Variants in IGSF11 observed in about 807,000 individuals in gnomAD.
IGSF11 encodes the protein CXADR like 1.
IGSF11 carries 22 observed loss-of-function variants against 41.0 expected under a neutral mutation model. That is an observed-to-expected ratio of 0.54 (90% CI 0.38 to 0.77). The LOEUF (loss-of-function observed/expected upper bound fraction) is 0.77. Ranked by LOEUF, IGSF11 falls within the 30% of genes least tolerant of loss-of-function variation. IGSF11 has a pLI of 0.00. For missense variants in IGSF11, 444 were observed against 530.8 expected, an observed-to-expected ratio of 0.84 and a Z score of 1.61; for synonymous variants, 219 against 201.3, an observed-to-expected ratio of 1.09 and a Z score of -0.74.
At chr3:119,067,228 C>T (rs2107461403) in intron 1 of IGSF11, among the ~76,000 whole-genome samples, 1 of 152,250 alleles carries the variant, frequency 6.6e-6, no homozygotes, top group South Asian at 2.1e-4. Flanking sequence ...GGCTGATTAC[C>T]TCAATCCAAT....
intron 1 of IGSF11, among the ~76,000 whole-genome samples, chr3:119,045,557 A>C (rs559561921): frequency 6.6e-6 from 1 of 152,078 alleles, no homozygotes; most frequent in Non-Finnish European, 1.5e-5. Flanking sequence ...GGCGGCAGTG[A>C]GGCTGGGGGA....
chr3:118,991,919 C>A (rs1935825073), intron 1 of IGSF11, among the ~76,000 whole-genome samples: 1 of 152,208 alleles, frequency 6.6e-6, no homozygotes, highest in East Asian at 1.9e-4. Context: ...TCCATTCAGT[C>A]TCCAAGATCC....
chr3:119,094,161 A>C (rs1000725114), intron 1 of IGSF11, among the ~76,000 whole-genome samples: 1 of 140,114 alleles, frequency 7.1e-6, no homozygotes, highest in Non-Finnish European at 1.5e-5. Flanking sequence ...AGGAGTGGAA[A>C]TATACCTTTT....
intron 1 of IGSF11, among the ~76,000 whole-genome samples, chr3:119,001,083 T>G (rs1480932949): frequency 6.6e-6 from 1 of 152,110 alleles, no homozygotes; most frequent in Non-Finnish European, 1.5e-5. Flanking sequence ...ACTGGCTGTC[T>G]CTCTGTCTGA....
intron 1 of IGSF11, among the ~76,000 whole-genome samples, chr3:119,131,900 C>T (rs2077487673): frequency 1.3e-5 from 2 of 152,200 alleles, no homozygotes. Context: ...CAATATTCAA[C>T]ACTCTTGAAG....
intron 1 of IGSF11, among the ~76,000 whole-genome samples, chr3:118,981,427 T>A (rs978573256): frequency 6.6e-6 from 1 of 152,180 alleles, no homozygotes; most frequent in Non-Finnish European, 1.5e-5. Context: ...CCTCCCAAAG[T>A]TCTGGGATTA....
chr3:119,110,704 G>A (rs1303600996), intron 1 of IGSF11, among the ~76,000 whole-genome samples: 1 of 152,098 alleles, frequency 6.6e-6, no homozygotes, highest in East Asian at 1.9e-4. Context: ...TTTACATTTT[G>A]GCATGATTTT....
intron 1 of IGSF11, among the ~76,000 whole-genome samples, chr3:118,954,768 T>A (rs1035488333): frequency 6.6e-6 from 1 of 152,168 alleles, no homozygotes; most frequent in African/African-American, 2.4e-5. Context: ...GAAGACTTGA[T>A]AGTTGAAGTT....
At chr3:119,126,794 T>C (rs1353463212) in intron 1 of IGSF11, among the ~76,000 whole-genome samples, 1 of 151,474 alleles carries the variant, frequency 6.6e-6, no homozygotes, top group Non-Finnish European at 1.5e-5. Flanking sequence ...ACCTGACTAT[T>C]GAAAGAAAAA....
chr3:119,058,703 A>G (rs1941946275), intron 1 of IGSF11, among the ~76,000 whole-genome samples: 1 of 152,238 alleles, frequency 6.6e-6, no homozygotes, highest in Admixed American at 6.5e-5. Context: ...TATTCACAAT[A>G]GCAAAGACTT....
At chr3:118,912,224 A>G (rs184880279) in intron 4 of IGSF11, among the ~76,000 whole-genome samples, 1 of 152,316 alleles carries the variant, frequency 6.6e-6, no homozygotes, top group East Asian at 1.9e-4. Flanking sequence ...TTTAAGTCAG[A>G]AGGGAGGTGT....
At chr3:118,964,886 A>G (rs889278153) in intron 1 of IGSF11, among the ~76,000 whole-genome samples, 1 of 152,214 alleles carries the variant, frequency 6.6e-6, no homozygotes, top group Non-Finnish European at 1.5e-5. Context: ...GATATGGTTC[A>G]GACTGGAAAT....
chr3:119,106,564 C>A (rs531989458), upstream of IGSF11, among the ~76,000 whole-genome samples: 7 of 152,150 alleles, frequency 4.6e-5, no homozygotes, highest in African/African-American at 1.7e-4. Context: ...GAATAGTACT[C>A]CATTGTATAC....
At chr3:119,083,126 CTT>C (rs79620142) in intron 1 of IGSF11, among the ~76,000 whole-genome samples, 12 of 129,066 alleles carry the variant, frequency 9.3e-5, no homozygotes, top group Non-Finnish European at 1.4e-4. Context: ...TTTCTTTTTT[CTT>C]TTTTTTTTTT....
At chr3:118,999,732 A>C (rs1335512454) in intron 1 of IGSF11, among the ~76,000 whole-genome samples, 3 of 152,216 alleles carry the variant, frequency 2.0e-5, no homozygotes, top group Non-Finnish European at 1.5e-5. Context: ...ACTACTTAAT[A>C]ATACAATATC....
intron 1 of IGSF11, among the ~76,000 whole-genome samples, chr3:119,082,092 C>T (rs2076594802): frequency 6.6e-6 from 1 of 152,164 alleles, no homozygotes; most frequent in Non-Finnish European, 1.5e-5. Context: ...TAGTTAGCTC[C>T]AACCCTGAAA....
intron 1 of IGSF11, among the ~76,000 whole-genome samples, chr3:119,045,365 G>A (rs1004260584): frequency 1.1e-4 from 16 of 152,354 alleles, no homozygotes; most frequent in African/African-American, 3.8e-4. Flanking sequence ...CCCTTTCCGA[G>A]TCAAAGAAAG....
chr3:119,110,622 G>A (rs890843150), intron 1 of IGSF11, among the ~76,000 whole-genome samples: 6 of 152,008 alleles, frequency 3.9e-5, no homozygotes, highest in Non-Finnish European at 8.8e-5. Context: ...TGTGAATTTG[G>A]TCCTGTCATT....
intron 1 of IGSF11, among the ~76,000 whole-genome samples, chr3:119,119,259 T>C (rs1297893219): frequency 6.6e-6 from 1 of 152,192 alleles, no homozygotes; most frequent in Non-Finnish European, 1.5e-5. Context: ...TTTAAGGGAC[T>C]TAAACTTCCA....
Sources: allele counts gnomAD v4.1 joint callset (sites outside exome capture counted in the v4.1 genomes callset), GRCh38; gene constraint gnomAD v4.1.1; transcripts MANE v1.5; gene names NCBI Gene and HGNC (gene_info 2026-07-23, HGNC 2026-07-21).